Variants in XRCC6 observed in about 807,000 individuals in gnomAD.
The protein encoded by XRCC6 is X-ray repair cross complementing 6.
In XRCC6, 5 loss-of-function variants were observed where a neutral mutation model predicts 65.7. That is an observed-to-expected ratio of 0.08 (90% CI 0.04 to 0.16). The LOEUF is 0.16. Among genes scored for constraint, XRCC6 ranks in the 10% least tolerant of loss-of-function variants. XRCC6 has a pLI of 1.00. For missense variants in XRCC6, 447 were observed against 738.1 expected, an observed-to-expected ratio of 0.61 and a Z score of 4.57; for synonymous variants, 270 against 270.6, an observed-to-expected ratio of 1.00 and a Z score of 0.02.
chr22:41,622,901 C>T (rs1393227459), intron 2 of XRCC6, among the ~76,000 whole-genome samples: 3 of 150,490 alleles, frequency 2.0e-5, no homozygotes, highest in African/African-American at 7.4e-5. Flanking sequence ...GCCGAGATGG[C>T]GCCACTGCAT....
intron 11 of XRCC6, among the ~76,000 whole-genome samples, chr22:41,661,032 CA>C (rs895301741): frequency 1.4e-5 from 2 of 143,940 alleles, no homozygotes; most frequent in South Asian, 2.2e-4. Flanking sequence ...GACTCCATCT[CA>C]AAAAAAAATC....
intron 6 of XRCC6, 56 bp downstream of exon 6, chr22:41,637,847 G>A (rs1269001032): frequency 2.6e-6 from 4 of 1,548,586 alleles, no homozygotes; most frequent in East Asian, 4.7e-5. Context: ...GAAGCAGGCT[G>A]GGCGCGGTGG....
chr22:41,644,741 A>C (rs2067913821), intron 6 of XRCC6, among the ~76,000 whole-genome samples: 2 of 151,896 alleles, frequency 1.3e-5, no homozygotes, highest in South Asian at 4.2e-4. Context: ...CGCCCGCCTC[A>C]GCCTCCCAAA....
rs940283539 is a variant in XRCC6 at position 41,642,726 on chromosome 22, CA to C, written c.774-4161del. Among the ~76,000 whole-genome samples the C allele has an allele frequency of 3.3e-5, 5 of 150,754 alleles. No homozygotes were observed. In the East Asian group the frequency reaches 9.7e-4, roughly 29 times the overall value. On this transcript the variant is annotated intron_variant, in intron 6 of 12. Coordinates refer to ENST00000360079, the MANE Select transcript of XRCC6 (RefSeq NM_001469.5). The stretch of plus-strand genomic sequence containing the variant: ...AATCTATAGAGTGAGACCCTGTCTA[CA>C]AAAAAAAATAGTTACTTTTGAAGAT...
intron 2 of XRCC6, among the ~76,000 whole-genome samples, chr22:41,626,726 C>G (rs991951743): frequency 6.6e-6 from 1 of 151,922 alleles, no homozygotes; most frequent in Non-Finnish European, 1.5e-5. Flanking sequence ...GAAGCTCCCC[C>G]TCCCGGGTTC....
At chr22:41,663,274 T>C (rs1179507570) in intron 12 of XRCC6, among the ~76,000 whole-genome samples, 3 of 152,072 alleles carry the variant, frequency 2.0e-5, no homozygotes, top group Non-Finnish European at 4.4e-5. Flanking sequence ...CCGGTTGATT[T>C]TATTACTTTA....
rs751455021 is a variant in XRCC6 at position 41,650,771 on chromosome 22, C to A, written c.1009C>A (p.Leu337Ile). The change falls in exon 8 of 13, where the codon CTA (leucine) becomes ATA (isoleucine). Residue 337 changes from leucine (L) to isoleucine (I), a missense_variant. Leu to Ile is a conservative substitution (Grantham distance 5). This residue lies in a region of XRCC6 where 201 missense variants were observed against 374.1 expected (regional missense o/e 0.54). Coordinates refer to ENST00000360079, the MANE Select transcript of XRCC6 (RefSeq NM_001469.5). ...IILEKEETEE[L>I]KRFDDPGLML... is the part of the protein sequence containing the mutation. ...ACTGGAGAAAGAGGAAACAGAAGAG[C>A]TAAAACGGTTTGATGATCCAGGTTT... The A allele has an allele frequency of 6.2e-7, 1 of 1,613,866 alleles. No individual in the cohort carries two copies. Among genetic ancestry groups the A allele is most frequent in the African/African-American group, 1.3e-5 (1 of 75,010 alleles).
intron 2 of XRCC6, among the ~76,000 whole-genome samples, chr22:41,624,092 T>C (rs1319488789): frequency 6.6e-6 from 1 of 151,828 alleles, no homozygotes; most frequent in Admixed American, 6.6e-5. Context: ...TCAATAAATA[T>C]ACTGTAATTT....
chr22:41,643,457 A>T (rs919950082), intron 6 of XRCC6, among the ~76,000 whole-genome samples: 4 of 151,964 alleles, frequency 2.6e-5, no homozygotes, highest in African/African-American at 9.7e-5. Context: ...TTTGTCTCTG[A>T]GCATGGCTTT....
At chr22:41,639,954 G>A (rs1025891927) in intron 6 of XRCC6, among the ~76,000 whole-genome samples, 2 of 150,518 alleles carry the variant, frequency 1.3e-5, no homozygotes, top group Middle Eastern at 3.4e-3. Flanking sequence ...CTCTGCGTCC[G>A]GCCTAGATTC....
intron 6 of XRCC6, among the ~76,000 whole-genome samples, chr22:41,639,158 C>A (rs28384734): frequency 6.6e-6 from 1 of 151,872 alleles, no homozygotes; most frequent in Non-Finnish European, 1.5e-5. Context: ...AAATTGGTGA[C>A]AACAATACCT....
intron 11 of XRCC6, among the ~76,000 whole-genome samples, chr22:41,659,423 G>T (rs1159327559): frequency 1.3e-5 from 2 of 151,988 alleles, no homozygotes; most frequent in Non-Finnish European, 2.9e-5. Context: ...GGTTAGGATG[G>T]TCTCGATCTC....
intron 2 of XRCC6, among the ~76,000 whole-genome samples, chr22:41,627,767 A>G (rs1476806403): frequency 2.0e-5 from 3 of 152,130 alleles, no homozygotes; most frequent in Non-Finnish European, 4.4e-5. Context: ...CCAGTTGCTC[A>G]GGAGGCTGAG....
chr22:41,649,156 ATATATATG>A (rs1384229207), intron 7 of XRCC6, among the ~76,000 whole-genome samples: 5 of 129,376 alleles, frequency 3.9e-5, no homozygotes, highest in East Asian at 2.0e-4. Context: ...ATATATATAT[ATATATATG>A]TATGTATGTG....
intron 2 of XRCC6, among the ~76,000 whole-genome samples, chr22:41,622,299 T>G (rs1016002393): frequency 7.2e-5 from 11 of 152,166 alleles, no homozygotes; most frequent in African/African-American, 2.2e-4. Flanking sequence ...TGGACACTGG[T>G]AGTTTGACAT....
intron 1 of XRCC6, chr22:41,621,692 C>T (rs558216275): frequency 2.3e-5 from 9 of 388,356 alleles, no homozygotes; most frequent in East Asian, 5.7e-5. Flanking sequence ...GCATAGAATC[C>T]TGGAGCGGGA....
rs1196696640 is a variant in XRCC6 at position 41,636,545 on chromosome 22, T to C, written c.364T>C (p.Phe122Leu). 6.2e-7 allele frequency: 1 copy of C among 1,613,926 alleles called. No homozygotes were observed. Among genetic ancestry groups the C allele is most frequent in the South Asian group, 1.1e-5 (1 of 91,074 alleles). Residue 122 changes from phenylalanine to leucine, a missense_variant, in exon 5 of 13, where the codon TTT (phenylalanine) becomes CTT (leucine). Coordinates refer to ENST00000360079, the MANE Select transcript of XRCC6 (RefSeq NM_001469.5). ...AAAACGAATTCTAGAGCTTGACCAG[T>C]TTAAGGGGCAGCAGGGACAAAAACG... is the stretch of plus-strand genomic sequence containing the variant. ...GAKRILELDQ[F>L]KGQQGQKRFQ...
At chr22:41,630,506 A>G (rs1601530477) in intron 3 of XRCC6, among the ~76,000 whole-genome samples, 4 of 138,150 alleles carry the variant, frequency 2.9e-5, no homozygotes, top group Non-Finnish European at 6.2e-5. Context: ...TTTTTTTTTA[A>G]TTTATTTTTT....
chr22:41,655,266 AG>A (rs2068034373), intron 9 of XRCC6, among the ~76,000 whole-genome samples: 1 of 152,198 alleles, frequency 6.6e-6, no homozygotes, highest in Non-Finnish European at 1.5e-5. Context: ...AAGGTTGCTA[AG>A]ATATATGGTA....
Sources: allele counts gnomAD v4.1 joint callset (sites outside exome capture counted in the v4.1 genomes callset), GRCh38; gene constraint gnomAD v4.1.1; regional missense constraint gnomAD v4.1.1; transcripts MANE v1.5; gene names NCBI Gene and HGNC (gene_info 2026-07-23, HGNC 2026-07-21).